SSBP2: variants seen among roughly 807,000 people sequenced by gnomAD.
The protein encoded by SSBP2 is single-stranded DNA-binding protein 2.
A neutral mutation model predicts 61.8 loss-of-function variants in SSBP2; 17 were observed. The observed-to-expected ratio is 0.28, with a 90% confidence interval of 0.19 to 0.41. SSBP2 has a LOEUF of 0.41. Ranked by LOEUF, SSBP2 falls within the 10% of genes least tolerant of loss-of-function variation. SSBP2 has a pLI of 1.00. For missense variants in SSBP2, 310 were observed against 458.7 expected (o/e 0.68, Z 2.96); for synonymous variants, 139 against 141.3 (o/e 0.98, Z 0.12).
At chr5:81,562,414 G>C (rs542653399) in intron 4 of SSBP2, among the ~76,000 whole-genome samples, 12 of 152,064 alleles carry the variant, frequency 7.9e-5, no homozygotes, top group African/African-American at 2.9e-4. Context: ...CTATGCAAGA[G>C]TACTGCACTT....
rs776552822 is a variant in SSBP2 at position 81,489,328 on chromosome 5, TAAAC to T, written c.373-23_373-20del. 3.7e-5 allele frequency: 58 copies of T among 1,588,574 alleles called. No homozygotes were observed. The highest frequency in any genetic ancestry group is 4.4e-5 in the Non-Finnish European group (51 of 1,172,044). On this transcript the variant is annotated intron_variant, in intron 5 of 16. Coordinates refer to ENST00000320672, the MANE Select transcript of SSBP2 (RefSeq NM_012446.5). ...TAAAAGGCTATTGAAGTAAAACAAATAAACAAACAAAACAAAAAACAGTACAATG... is the reference window on the plus strand; with the variant it reads ...TAAAAGGCTATTGAAGTAAAACAAATAAACAAAACAAAAAACAGTACAATG...
intron 1 of SSBP2, among the ~76,000 whole-genome samples, chr5:81,672,823 C>T (rs1349452622): frequency 3.9e-5 from 6 of 151,948 alleles, no homozygotes; most frequent in Admixed American, 3.3e-4. Flanking sequence ...ATCTGCCTGC[C>T]TTGGCCTCCC....
chr5:81,728,006 G>A (rs1387458057), intron 1 of SSBP2, among the ~76,000 whole-genome samples: 1 of 152,158 alleles, frequency 6.6e-6, no homozygotes, highest in Non-Finnish European at 1.5e-5. Context: ...CTGTCCTGAG[G>A]TGTCACAGGG....
chr5:81,634,952 G>A (rs960390587), intron 3 of SSBP2, among the ~76,000 whole-genome samples: 1 of 152,168 alleles, frequency 6.6e-6, no homozygotes, highest in African/African-American at 2.4e-5. Context: ...TGCTTACTTC[G>A]TTATTTGTTT....
At chr5:81,575,662 CCA>C (rs1350166051) in intron 4 of SSBP2, among the ~76,000 whole-genome samples, 1 of 151,466 alleles carries the variant, frequency 6.6e-6, no homozygotes, top group African/African-American at 2.4e-5. Flanking sequence ...AGATTTAAAC[CCA>C]AATATATCAG....
At chr5:81,660,668 A>G (rs1204850445) in intron 1 of SSBP2, among the ~76,000 whole-genome samples, 1 of 152,188 alleles carries the variant, frequency 6.6e-6, no homozygotes, top group African/African-American at 2.4e-5. Flanking sequence ...TATATACCCA[A>G]AGAATTATAA....
At chr5:81,705,945 A>G (rs1356656113) in intron 1 of SSBP2, among the ~76,000 whole-genome samples, 1 of 152,208 alleles carries the variant, frequency 6.6e-6, no homozygotes, top group Non-Finnish European at 1.5e-5. Flanking sequence ...AAGATTTCTC[A>G]AATAACTCAA....
At chr5:81,720,780 T>G (rs985740357) in intron 1 of SSBP2, among the ~76,000 whole-genome samples, 2 of 152,212 alleles carry the variant, frequency 1.3e-5, no homozygotes, top group African/African-American at 4.8e-5. Context: ...AGTAGATATT[T>G]AAGCAGAGGA....
intron 1 of SSBP2, among the ~76,000 whole-genome samples, chr5:81,737,183 A>G (rs891850319): frequency 1.4e-4 from 21 of 152,024 alleles, no homozygotes; most frequent in Non-Finnish European, 5.9e-5. Context: ...CTTTAATGAT[A>G]ATAATAATAA....
intron 5 of SSBP2, among the ~76,000 whole-genome samples, chr5:81,508,326 T>G (rs1243196464): frequency 6.6e-6 from 1 of 152,136 alleles, no homozygotes; most frequent in Non-Finnish European, 1.5e-5. Flanking sequence ...ATAGTGTCAC[T>G]CTGAGGACTT....
intron 6 of SSBP2, among the ~76,000 whole-genome samples, chr5:81,486,315 C>T (rs1181144533): frequency 1.3e-5 from 2 of 152,142 alleles, no homozygotes; most frequent in Non-Finnish European, 2.9e-5. Flanking sequence ...CCACCACCAA[C>T]CTTGTCTTCA....
chr5:81,574,274 A>C (rs1774045393), intron 4 of SSBP2, among the ~76,000 whole-genome samples: 1 of 152,160 alleles, frequency 6.6e-6, no homozygotes. Context: ...TAAAAAACAC[A>C]ATCACCAAAA....
chr5:81,749,519 G>A (rs369276735), intron 1 of SSBP2, among the ~76,000 whole-genome samples: 2 of 152,162 alleles, frequency 1.3e-5, no homozygotes, highest in South Asian at 2.1e-4. Flanking sequence ...CTGTGCGCAA[G>A]GTAACCAAAG....
At chr5:81,486,534 G>A (rs116146760) in intron 6 of SSBP2, among the ~76,000 whole-genome samples, 1 of 151,944 alleles carries the variant, frequency 6.6e-6, no homozygotes. Flanking sequence ...ATATTTAGGC[G>A]CTTCCTAGAC....
intron 16 of SSBP2, among the ~76,000 whole-genome samples, chr5:81,421,018 G>A (rs1053545539): frequency 1.3e-5 from 2 of 151,338 alleles, no homozygotes; most frequent in African/African-American, 4.8e-5. Flanking sequence ...CTTAAACCAT[G>A]TATTTATTGA....
intron 1 of SSBP2, among the ~76,000 whole-genome samples, chr5:81,667,286 TAC>T (rs71605804): frequency 0.36 from 48,231 of 133,358 alleles, 8,405 homozygotes; most frequent in East Asian, 0.5. Flanking sequence ...GGGATACAGA[TAC>T]ACACACACAC....
intron 11 of SSBP2, chr5:81,447,855 T>C (rs1048049735): frequency 2.0e-5 from 3 of 152,242 alleles, no homozygotes; most frequent in African/African-American, 7.2e-5. Flanking sequence ...TTTCTTACTT[T>C]CATTTTTATT....
At chr5:81,510,117 C>T (rs1448966263) in intron 5 of SSBP2, among the ~76,000 whole-genome samples, 1 of 152,090 alleles carries the variant, frequency 6.6e-6, no homozygotes, top group African/African-American at 2.4e-5. Context: ...AATTCATCTA[C>T]CCCTGTGGAT....
At chr5:81,598,310 G>A (rs1413568267) in intron 4 of SSBP2, among the ~76,000 whole-genome samples, 1 of 152,048 alleles carries the variant, frequency 6.6e-6, no homozygotes, top group African/African-American at 2.4e-5. Context: ...GAACACAATG[G>A]AGTGATACCT....
Sources: gnomAD v4.1 joint callset for allele counts (sites outside exome capture counted in the v4.1 genomes callset) on GRCh38, gnomAD v4.1.1 for gene constraint, MANE v1.5 for transcripts, NCBI Gene and HGNC (gene_info 2026-07-23, HGNC 2026-07-21) for gene names.